The following DIAPH3 variants were observed in gnomAD, a reference collection of about 807,000 sequenced individuals.
The protein encoded by DIAPH3 is diaphanous related formin 3.
DIAPH3 carries 117 observed loss-of-function variants against 144.3 expected under a neutral mutation model. That is an observed-to-expected ratio of 0.81 (90% confidence interval 0.70 to 0.95). DIAPH3 has a LOEUF of 0.95. Among genes scored for constraint, DIAPH3 ranks in the 40% least tolerant of loss-of-function variants. The probability of loss-of-function intolerance (pLI) is 0.00; values close to 1 mark genes in which losing one functional copy is unlikely to be tolerated. For missense variants in DIAPH3, 1,421 were observed against 1,412.7 expected (o/e 1.01, Z -0.09); for synonymous variants, 519 against 488.9 (o/e 1.06, Z -0.81).
intron 27 of DIAPH3, among the ~76,000 whole-genome samples, chr13:59,707,477 T>C (rs968753251): frequency 2.0e-5 from 3 of 152,108 alleles, no homozygotes; most frequent in African/African-American, 7.2e-5. Flanking sequence ...TTTTAGAAAG[T>C]TAAAATTGGG....
chr13:60,057,627 G>A (rs2056607931), intron 4 of DIAPH3, among the ~76,000 whole-genome samples: 2 of 151,814 alleles, frequency 1.3e-5, no homozygotes, highest in East Asian at 1.9e-4. Context: ...CAGGCATCAC[G>A]TTATCTGACT....
chr13:59,731,141 A>ATCT (rs1168223272), intron 27 of DIAPH3, among the ~76,000 whole-genome samples: 1 of 152,138 alleles, frequency 6.6e-6, no homozygotes, highest in Non-Finnish European at 1.5e-5. Context: ...TGCTTATCAT[A>ATCT]TCTTCTCATT....
At position 60,058,787 on chromosome 13, in the gene DIAPH3, T is replaced by C. The variant is rs908075805; in HGVS notation, c.496-15967A>G. 3.9e-5 allele frequency among the ~76,000 whole-genome samples: 6 copies of C among 152,026 alleles called. No homozygotes were observed. In the South Asian group the frequency reaches 6.2e-4, roughly 16 times the overall value. On this transcript the variant is annotated intron_variant, in intron 4 of 27. Coordinates refer to ENST00000400324, the MANE Select transcript of DIAPH3 (RefSeq NM_001042517.2). ...TGGATCTGGAGGCCATGATTCTATG[T>C]AAGTAACTCAGGAATTGAAAATCAA...
At chr13:59,756,372 C>T (rs967217033) in intron 27 of DIAPH3, among the ~76,000 whole-genome samples, 3 of 144,990 alleles carry the variant, frequency 2.1e-5, no homozygotes, top group African/African-American at 7.8e-5. Flanking sequence ...TATTGAAATA[C>T]CTTTTCTTAA....
intron 3 of DIAPH3, among the ~76,000 whole-genome samples, chr13:60,100,502 G>C (rs997789491): frequency 1.3e-5 from 2 of 152,228 alleles, no homozygotes. Flanking sequence ...GGGAAAGCTG[G>C]CAAAATCTGA....
chr13:59,797,795 G>A (rs375534167), intron 25 of DIAPH3, among the ~76,000 whole-genome samples: 3 of 152,052 alleles, frequency 2.0e-5, no homozygotes, highest in African/African-American at 7.2e-5. Flanking sequence ...GCCACCTCCA[G>A]CTTATCCTCA....
chr13:59,681,881 T>C (rs754649347), intron 27 of DIAPH3, among the ~76,000 whole-genome samples: 1 of 152,222 alleles, frequency 6.6e-6, no homozygotes, highest in African/African-American at 2.4e-5. Flanking sequence ...TATAGCACTT[T>C]AATAACATTT....
intron 21 of DIAPH3, among the ~76,000 whole-genome samples, chr13:59,871,090 G>C (rs1348863982): frequency 6.6e-6 from 1 of 151,484 alleles, no homozygotes; most frequent in East Asian, 1.9e-4. Flanking sequence ...TTCATTGCTG[G>C]CATACAGGAA....
chr13:59,695,220 G>T (rs1028768525), intron 27 of DIAPH3: 6 of 152,200 alleles, frequency 3.9e-5, no homozygotes, highest in African/African-American at 1.4e-4. Flanking sequence ...AAGGGAGACA[G>T]TCTAATATTC....
intron 4 of DIAPH3, among the ~76,000 whole-genome samples, chr13:60,070,725 T>C (rs2057175162): frequency 6.6e-6 from 1 of 152,214 alleles, no homozygotes; most frequent in Non-Finnish European, 1.5e-5. Flanking sequence ...AACACTGCCA[T>C]ATACTTACCC....
chr13:59,882,258 T>C (rs549842495), intron 20 of DIAPH3, among the ~76,000 whole-genome samples: 1 of 152,090 alleles, frequency 6.6e-6, no homozygotes, highest in Non-Finnish European at 1.5e-5. Context: ...CCGGCTAATT[T>C]TTTGTATTTT....
intron 27 of DIAPH3, among the ~76,000 whole-genome samples, chr13:59,746,816 C>A (rs1051914627): frequency 6.6e-6 from 1 of 152,084 alleles, no homozygotes; most frequent in Admixed American, 6.6e-5. Flanking sequence ...CCACTGACAG[C>A]GTATTTCTCA....
intron 5 of DIAPH3, among the ~76,000 whole-genome samples, chr13:60,016,665 T>G (rs2053674146): frequency 6.6e-6 from 1 of 152,196 alleles, no homozygotes; most frequent in African/African-American, 2.4e-5. Context: ...AAGAGATGCT[T>G]TAGCAGAATT....
chr13:60,109,243 G>A (rs2058501245), intron 3 of DIAPH3, among the ~76,000 whole-genome samples: 1 of 152,148 alleles, frequency 6.6e-6, no homozygotes, highest in African/African-American at 2.4e-5. Context: ...CACGGTGTGT[G>A]ACTGCCACAG....
chr13:59,693,419 CTGAT>C (rs1296738543), intron 27 of DIAPH3, among the ~76,000 whole-genome samples: 6 of 152,152 alleles, frequency 3.9e-5, no homozygotes. Flanking sequence ...TTGTCTGATT[CTGAT>C]TGTCAAAACT....
chr13:60,146,936 C>A (rs1416284888), intron 1 of DIAPH3, among the ~76,000 whole-genome samples: 1 of 152,220 alleles, frequency 6.6e-6, no homozygotes, highest in African/African-American at 2.4e-5. Flanking sequence ...ATAATTCTCA[C>A]ATGCCTGTTT....
chr13:59,945,554 C>G (rs2048754025), intron 17 of DIAPH3, among the ~76,000 whole-genome samples: 1 of 149,748 alleles, frequency 6.7e-6, no homozygotes, highest in Admixed American at 6.7e-5. Context: ...CAATCCTAGG[C>G]ATAGTACTAA....
At chr13:59,700,476 C>T (rs566227666) in intron 27 of DIAPH3, among the ~76,000 whole-genome samples, 2 of 152,158 alleles carry the variant, frequency 1.3e-5, no homozygotes, top group Non-Finnish European at 1.5e-5. Context: ...AGAGAGCTCA[C>T]CAAATATTCT....
At chr13:59,864,767 G>A (rs1024863513) in intron 21 of DIAPH3, among the ~76,000 whole-genome samples, 5 of 152,000 alleles carry the variant, frequency 3.3e-5, no homozygotes, top group African/African-American at 7.2e-5. Context: ...ACTGATTTAG[G>A]AGGAGGGTGC....
Sources: allele counts gnomAD v4.1 joint callset (sites outside exome capture counted in the v4.1 genomes callset), GRCh38; gene constraint gnomAD v4.1.1; transcripts MANE v1.5; gene names NCBI Gene and HGNC (gene_info 2026-07-23, HGNC 2026-07-21).